GUCY1A2: variants seen among roughly 807,000 people sequenced by gnomAD.
The protein encoded by GUCY1A2 is guanylate cyclase soluble subunit alpha-2.
Under a neutral mutation model 63.5 loss-of-function variants are expected in GUCY1A2, and 27 were observed. The observed-to-expected ratio is 0.43, with a 90% confidence interval of 0.31 to 0.59. The LOEUF (loss-of-function observed/expected upper bound fraction) is 0.59, where lower values mean the gene tolerates loss of function less well. Ranked by LOEUF, GUCY1A2 falls within the 20% of genes least tolerant of loss-of-function variation. GUCY1A2 has a pLI of 0.11. For synonymous variants in GUCY1A2, 364 were observed against 343.5 expected, an observed-to-expected ratio of 1.06 and a Z score of -0.66; for missense variants, 768 against 913.3, an observed-to-expected ratio of 0.84 and a Z score of 2.05.
chr11:107,002,794 A>C (rs1005998872), intron 1 of GUCY1A2, among the ~76,000 whole-genome samples: 37 of 152,216 alleles, frequency 2.4e-4, no homozygotes, highest in African/African-American at 8.7e-4. Flanking sequence ...AAATGTGATA[A>C]TTGCTAGATA....
chr11:106,877,978 A>T (rs898230459), intron 4 of GUCY1A2, among the ~76,000 whole-genome samples: 2 of 152,148 alleles, frequency 1.3e-5, no homozygotes, highest in Admixed American at 6.6e-5. Flanking sequence ...AAGGACATAA[A>T]CAGACACTTT....
chr11:106,724,547 A>G lies in GUCY1A2; in HGVS notation c.1837-15881T>C, dbSNP rs373822286. Reference sequence around the variant, plus strand: ...CTCTTGCTCTTGAGTGCTTATTCCAACCACACTGGGTTATCAAGGCTTTTT... The same window carrying G: ...CTCTTGCTCTTGAGTGCTTATTCCAGCCACACTGGGTTATCAAGGCTTTTT... On this transcript the variant is annotated intron_variant, in intron 6 of 7. Transcript: ENST00000526355. 1.4e-3 allele frequency among the ~76,000 whole-genome samples: 220 copies of G among 152,172 alleles called. 1 individual carries two copies. Among genetic ancestry groups the G allele is most frequent in the African/African-American group, 5.0e-3 (208 of 41,510 alleles).
At chr11:107,000,701 A>G (rs1031285209) in intron 1 of GUCY1A2, among the ~76,000 whole-genome samples, 29 of 152,204 alleles carry the variant, frequency 1.9e-4, no homozygotes, top group African/African-American at 6.8e-4. Context: ...CAAATATCCT[A>G]TTAAAATAAA....
chr11:106,720,258 A>ATAAACT (rs1390298269), intron 6 of GUCY1A2, among the ~76,000 whole-genome samples: 1 of 152,202 alleles, frequency 6.6e-6, no homozygotes. Flanking sequence ...AGTATTTTAT[A>ATAAACT]TAAACTTTTT....
intron 6 of GUCY1A2, among the ~76,000 whole-genome samples, chr11:106,736,448 T>C (rs1000491723): frequency 6.6e-6 from 1 of 152,162 alleles, no homozygotes; most frequent in African/African-American, 2.4e-5. Flanking sequence ...TACAGATGTA[T>C]AAATTTATTT....
intron 5 of GUCY1A2, among the ~76,000 whole-genome samples, chr11:106,779,574 C>T (rs889497510): frequency 2.6e-5 from 4 of 152,134 alleles, no homozygotes; most frequent in African/African-American, 9.7e-5. Flanking sequence ...TAGCTCTGAA[C>T]ATCCAAGTTC....
chr11:106,922,829 T>C (rs191015187), intron 4 of GUCY1A2, among the ~76,000 whole-genome samples: 3 of 151,552 alleles, frequency 2.0e-5, no homozygotes, highest in South Asian at 4.2e-4. Context: ...ATACTCCCAA[T>C]GTGCTTGCAA....
At chr11:106,829,090 G>A (rs975640060) in intron 4 of GUCY1A2, among the ~76,000 whole-genome samples, 1 of 152,144 alleles carries the variant, frequency 6.6e-6, no homozygotes, top group Non-Finnish European at 1.5e-5. Context: ...GAGTCTGCTC[G>A]ACGAACAAAG....
rs573599023 is a variant in GUCY1A2 at position 106,683,533 on chromosome 11, G to C, written c.*4016C>G. 9 of 228,496 alleles carry C rather than the reference G, an allele frequency of 3.9e-5. No individual in the cohort carries two copies. The highest frequency in any genetic ancestry group is 6.2e-5 in the East Asian group (1 of 16,098). 14.2% of individuals were successfully genotyped at this position (228,496 alleles called of 1,614,324 possible). On this transcript the variant is annotated 3_prime_UTR_variant, in exon 8 of 8. Coordinates refer to ENST00000526355, the MANE Select transcript of GUCY1A2 (RefSeq NM_000855.3). ...AGTACATTGTTGCTCAGGCCTGACT[G>C]TGTGTGGTCCTTCCTATCCGCCTGA...
intron 1 of GUCY1A2, among the ~76,000 whole-genome samples, chr11:107,000,769 TCC>T (rs1275664307): frequency 6.6e-6 from 1 of 152,196 alleles, no homozygotes; most frequent in Non-Finnish European, 1.5e-5. Flanking sequence ...ACTCTCTCTA[TCC>T]TTTCCTTTTT....
chr11:106,707,988 G>C lies in GUCY1A2; in HGVS notation c.1991+524C>G, dbSNP rs573483191. On this transcript the variant is annotated intron_variant, in intron 7 of 7. Coordinates refer to ENST00000526355, the MANE Select transcript of GUCY1A2 (RefSeq NM_000855.3). ...GATTTCAGATTTTCAAATTTGGGAT[G>C]CTCACCAGGTAATATGCACAAATAT... Among the ~76,000 whole-genome samples the C allele has an allele frequency of 3.9e-5, 6 of 152,084 alleles. 1 individual carries two copies. The highest frequency in any genetic ancestry group is 1.4e-4 in the African/African-American group (6 of 41,504).
intron 3 of GUCY1A2, among the ~76,000 whole-genome samples, chr11:106,971,153 T>G (rs11211992): frequency 0.066 from 9,989 of 152,016 alleles, 862 homozygotes; most frequent in East Asian, 0.3. Context: ...TATATGACAT[T>G]ATGCATTTTT....
At chr11:106,851,430 C>T (rs999481117) in intron 4 of GUCY1A2, among the ~76,000 whole-genome samples, 1 of 151,878 alleles carries the variant, frequency 6.6e-6, no homozygotes, top group Admixed American at 6.6e-5. Flanking sequence ...TTTGCAAACA[C>T]TAATGTCCTG....
intron 6 of GUCY1A2, among the ~76,000 whole-genome samples, chr11:106,728,867 C>A (rs563171404): frequency 6.6e-6 from 1 of 152,252 alleles, no homozygotes; most frequent in South Asian, 2.1e-4. Flanking sequence ...TAAACAATCA[C>A]AAAATGCTCA....
In GUCY1A2 at chr11:107,018,472, C is replaced by G. The variant is rs1226291847; in HGVS notation, c.-417G>C. 6 of 151,380 alleles carry G rather than the reference C, an allele frequency of 4.0e-5. No homozygotes were observed. The highest frequency in any genetic ancestry group is 1.3e-4 in the Admixed American group (2 of 15,214). 9.4% of individuals were successfully genotyped at this position (151,380 alleles called of 1,614,324 possible). A position where few individuals can be genotyped will look rare whatever the true frequency, so the allele number is the denominator to read the frequency against. On this transcript the variant is annotated 5_prime_UTR_variant, in exon 1 of 8. Transcript: ENST00000526355. ...GCAGAAGGGGAGGCAGAGGCAGAGGCTTCTGCCGCCTGCGCGCCTATCTCG... is the reference window on the plus strand; with the variant it reads ...GCAGAAGGGGAGGCAGAGGCAGAGGGTTCTGCCGCCTGCGCGCCTATCTCG...
chr11:106,809,913 T>G (rs905409290), intron 5 of GUCY1A2, 80 bp downstream of exon 5: 2 of 913,352 alleles, frequency 2.2e-6, no homozygotes, highest in African/African-American at 3.5e-5. Context: ...AGTATCAAGT[T>G]TAAGTAAAAA....
intron 6 of GUCY1A2, among the ~76,000 whole-genome samples, chr11:106,725,925 C>T (rs1028449615): frequency 1.3e-5 from 2 of 151,752 alleles, no homozygotes; most frequent in Non-Finnish European, 2.9e-5. Context: ...ACTCTGGGGG[C>T]AGGGAGAGGA....
At chr11:106,775,579 A>AT (rs1864342340) in intron 6 of GUCY1A2, among the ~76,000 whole-genome samples, 1 of 151,680 alleles carries the variant, frequency 6.6e-6, no homozygotes, top group African/African-American at 2.4e-5. Flanking sequence ...ATTTTTTAAT[A>AT]TATTTAACCC....
intron 4 of GUCY1A2, among the ~76,000 whole-genome samples, chr11:106,878,305 T>C (rs1476769807): frequency 6.6e-6 from 1 of 152,120 alleles, no homozygotes; most frequent in Non-Finnish European, 1.5e-5. Context: ...ATACAAATTG[T>C]TCTGTCATAA....
Sources: allele counts gnomAD v4.1 joint callset (sites outside exome capture counted in the v4.1 genomes callset), GRCh38; gene constraint gnomAD v4.1.1; transcripts MANE v1.5; gene names NCBI Gene and HGNC (gene_info 2026-07-23, HGNC 2026-07-21).